MEF2C: variants seen among roughly 807,000 people sequenced by gnomAD.
The protein encoded by MEF2C is myocyte-specific enhancer factor 2C.
A neutral mutation model predicts 50.5 loss-of-function variants in MEF2C; 6 were observed. The observed-to-expected ratio is 0.12, with a 90% CI of 0.07 to 0.23. The LOEUF is 0.23. Among genes scored for constraint, MEF2C ranks in the 10% least tolerant of loss-of-function variants. The pLI is 1.00. For missense variants in MEF2C, 276 were observed against 605.0 expected (o/e 0.46, Z 5.70); for synonymous variants, 183 against 228.0 (o/e 0.80, Z 1.78).
intron 1 of MEF2C, among the ~76,000 whole-genome samples, chr5:88,860,463 A>C (rs1360625535): frequency 6.6e-6 from 1 of 152,182 alleles, no homozygotes; most frequent in Non-Finnish European, 1.5e-5. Context: ...CATAAAACAA[A>C]ATGAAATATT....
intron 6 of MEF2C, chr5:88,743,800 C>T: frequency 1.0e-6 from 1 of 985,100 alleles, no homozygotes; most frequent in South Asian, 4.7e-5. Flanking sequence ...CCAGAAGTGA[C>T]AATGCTTGAT....
At chr5:88,869,628 TATTA>T (rs1181481605) in intron 1 of MEF2C, among the ~76,000 whole-genome samples, 2 of 151,654 alleles carry the variant, frequency 1.3e-5, no homozygotes, top group East Asian at 3.9e-4. Context: ...TTACTACACT[TATTA>T]ATTCAGAAAC....
At chr5:88,839,988 A>G (rs1413590117) in intron 1 of MEF2C, among the ~76,000 whole-genome samples, 1 of 152,208 alleles carries the variant, frequency 6.6e-6, no homozygotes, top group Non-Finnish European at 1.5e-5. Context: ...TTGGTTAGAA[A>G]TACATATTTG....
intron 1 of MEF2C, among the ~76,000 whole-genome samples, chr5:88,844,145 A>T: frequency 1.3e-5 from 2 of 152,284 alleles, no homozygotes; most frequent in Middle Eastern, 6.8e-3. Flanking sequence ...AAAGTGGTAA[A>T]ATTTAATGAG....
rs1015602386 is a variant in MEF2C at position 88,857,532 on chromosome 5, T to C, written c.-143+25423A>G. Reference sequence around the variant, plus strand: ...CAGGGGAGAAATGATATGGTTTGGCTGTGTCCCCACCCAAGTCTTATCTCG... The same window carrying C: ...CAGGGGAGAAATGATATGGTTTGGCCGTGTCCCCACCCAAGTCTTATCTCG... On this transcript the variant is annotated intron_variant, in intron 1 of 10. Coordinates refer to ENST00000504921, the MANE Select transcript of MEF2C (RefSeq NM_002397.5). 7.9e-5 allele frequency among the ~76,000 whole-genome samples: 12 copies of C among 152,354 alleles called. No individual in the cohort carries two copies. The South Asian group carries it at 1.9e-3, about 24-fold the overall frequency.
upstream of MEF2C, among the ~76,000 whole-genome samples, chr5:88,887,819 G>T (rs1051659441): frequency 3.9e-5 from 6 of 152,094 alleles, no homozygotes; most frequent in South Asian, 2.1e-4. Flanking sequence ...AATTCACTAG[G>T]TGCAGCATTA....
intron 6 of MEF2C, chr5:88,735,271 C>G: frequency 1.0e-6 from 1 of 985,352 alleles, no homozygotes; most frequent in Non-Finnish European, 1.2e-6. Context: ...AGAGAATGGT[C>G]GCATTTAAAT....
In MEF2C at chr5:88,717,491, TATA is replaced by T. The variant is rs569253038; in HGVS notation, c.*5110_*5112del. The stretch of plus-strand genomic sequence containing the variant: ...TCCTGGAATCACCACATGAGTTACA[TATA>T]ATAATTGCTTAATACATGTTTGCTG... On this transcript the variant is annotated 3_prime_UTR_variant, in exon 11 of 11. Coordinates refer to ENST00000504921, the MANE Select transcript of MEF2C (RefSeq NM_002397.5). 94 of 152,336 alleles carry T rather than the reference TATA, an allele frequency of 6.2e-4. No homozygotes were observed. Among genetic ancestry groups the T allele is most frequent in the African/African-American group, 2.2e-3 (93 of 41,578 alleles). 9.4% of individuals were successfully genotyped at this position (152,336 alleles called of 1,614,324 possible).
In MEF2C at chr5:88,869,280, T is replaced by TATATATATATATATATATATATAC. The variant is rs1561420315; in HGVS notation, c.-143+13674_-143+13675insGTATATATATATATATATATATAT. 5.1e-4 allele frequency among the ~76,000 whole-genome samples: 38 copies of TATATATATATATATATATATATAC among 73,920 alleles called. 1 individual carries two copies. Among genetic ancestry groups the TATATATATATATATATATATATAC allele is most frequent in the African/African-American group, 1.9e-3 (23 of 12,338 alleles). 48.5% of individuals were successfully genotyped at this position (73,920 alleles called of 152,430 possible). ...ATATATATATATATATATATATACA[T>TATATATATATATATATATATATAC]ATATATATATATATACACATATATA... On this transcript the variant is annotated intron_variant, in intron 1 of 10. Transcript: ENST00000504921.
rs1053221949 is a variant in MEF2C, at chr5:88,775,711, C to G, written c.259-14383G>C. On this transcript the variant is annotated intron_variant, in intron 3 of 10. Coordinates refer to ENST00000504921, the MANE Select transcript of MEF2C (RefSeq NM_002397.5). ...TTATTACTTCACAAAATCTCATTTC[C>G]CATGACTGCATATATTATGCAGATG... The G allele has an allele frequency of 2.0e-5, 13 of 648,944 alleles. No individual in the cohort carries two copies. The South Asian group carries it at 8.9e-4, about 45-fold the overall frequency. 40.2% of individuals were successfully genotyped at this position (648,944 alleles called of 1,614,324 possible).
At chr5:88,804,441 G>T (rs1799538639) in intron 3 of MEF2C, 157 bp downstream of exon 3, 1 of 623,274 alleles carries the variant, frequency 1.6e-6, no homozygotes. Flanking sequence ...GAGAAAAGGT[G>T]GAGTAAGAGT....
intron 1 of MEF2C, among the ~76,000 whole-genome samples, chr5:88,844,121 A>G (rs1301545567): frequency 3.9e-5 from 6 of 152,126 alleles, no homozygotes; most frequent in African/African-American, 1.4e-4. Flanking sequence ...AAACAATTTT[A>G]AATCATCCTA....
intron 2 of MEF2C, among the ~76,000 whole-genome samples, chr5:88,809,003 T>G (rs1198719878): frequency 1.3e-5 from 2 of 152,140 alleles, no homozygotes; most frequent in African/African-American, 4.8e-5. Flanking sequence ...TTTACATAAG[T>G]CAACATGTTA....
rs565474584 is a variant in MEF2C at position 88,766,922 on chromosome 5, G to T, written c.259-5594C>A. 106 of 500,326 alleles carry T rather than the reference G, an allele frequency of 2.1e-4. No homozygotes were observed. In the African/African-American group the frequency reaches 2.2e-3, roughly 10 times the overall value. 31.0% of individuals were successfully genotyped at this position (500,326 alleles called of 1,614,324 possible). ...TGCTTGTCGTTCACAGCTTTATGAA[G>T]ATAAGTATCTACTCTTAACAAGCTG... On this transcript the variant is annotated intron_variant, in intron 3 of 10. Transcript: ENST00000504921.
Position 88,739,580 on chromosome 5 carries a change from A to G in MEF2C, c.638-7679T>C, listed in dbSNP as rs139242382. On this transcript the variant is annotated intron_variant, in intron 6 of 10. Coordinates refer to ENST00000504921, the MANE Select transcript of MEF2C (RefSeq NM_002397.5). ...CATAAACTTGCTCATACAATCCCCTACTCTACTGGAAGTGACAGTTGAAAA... is the reference window on the plus strand; with the variant it reads ...CATAAACTTGCTCATACAATCCCCTGCTCTACTGGAAGTGACAGTTGAAAA... 32 of 984,846 alleles carry G rather than the reference A, an allele frequency of 3.2e-5. No individual in the cohort carries two copies. The East Asian group carries it at 3.5e-3, about 108-fold the overall frequency. 61.0% of individuals were successfully genotyped at this position (984,846 alleles called of 1,614,324 possible).
At chr5:88,724,887 C>A (rs1034133170) in intron 10 of MEF2C, among the ~76,000 whole-genome samples, 2 of 152,036 alleles carry the variant, frequency 1.3e-5, no homozygotes, top group African/African-American at 4.8e-5. Flanking sequence ...AATCACACAA[C>A]TATTTAATAA....
At chr5:88,738,987 A>G in intron 6 of MEF2C, 1 of 980,682 alleles carries the variant, frequency 1.0e-6, no homozygotes, top group Non-Finnish European at 1.2e-6. Flanking sequence ...ATATGCTTTT[A>G]AAAGTAGATT....
At chr5:88,762,820 G>T (rs747816545) in intron 3 of MEF2C, among the ~76,000 whole-genome samples, 9 of 151,998 alleles carry the variant, frequency 5.9e-5, no homozygotes, top group Admixed American at 2.0e-4. Flanking sequence ...ATTAAAGACA[G>T]AATTCACATA....
intron 1 of MEF2C, among the ~76,000 whole-genome samples, chr5:88,850,116 T>G: frequency 6.7e-6 from 1 of 149,742 alleles, no homozygotes; most frequent in Admixed American, 6.7e-5. Context: ...CCCCGGTGTG[T>G]GATGATCCCC....
Sources: allele counts gnomAD v4.1 joint callset (sites outside exome capture counted in the v4.1 genomes callset), GRCh38; gene constraint gnomAD v4.1.1; transcripts MANE v1.5; gene names NCBI Gene and HGNC (gene_info 2026-07-23, HGNC 2026-07-21).